PDE4D: variants seen among roughly 807,000 people sequenced by gnomAD.
PDE4D encodes the protein 3',5'-cyclic-AMP phosphodiesterase 4D.
PDE4D carries 24 observed loss-of-function variants against 87.4 expected under a neutral mutation model. That is an observed-to-expected ratio of 0.27 (90% CI 0.20 to 0.39). The LOEUF (loss-of-function observed/expected upper bound fraction) is 0.39. PDE4D is among the 10% of genes least tolerant of loss of function. The pLI is 1.00. For synonymous variants in PDE4D, 384 were observed against 383.2 expected (o/e 1.00, Z -0.02); for missense variants, 714 against 1,041.0 (o/e 0.69, Z 4.32).
At chr5:60,072,370 T>C (rs146625302) in intron 2 of PDE4D, among the ~76,000 whole-genome samples, 135 of 152,156 alleles carry the variant, frequency 8.9e-4, no homozygotes, top group African/African-American at 3.2e-3. Flanking sequence ...TGTTTAATTC[T>C]TATAAATTTA....
chr5:60,293,229 A>G (rs1687725935), intron 1 of PDE4D, among the ~76,000 whole-genome samples: 1 of 152,052 alleles, frequency 6.6e-6, no homozygotes, highest in East Asian at 1.9e-4. Context: ...TTTACTTAAA[A>G]TACTTAAAAA....
At chr5:60,132,409 T>A (rs1353118303) in intron 2 of PDE4D, among the ~76,000 whole-genome samples, 1 of 152,172 alleles carries the variant, frequency 6.6e-6, no homozygotes, top group African/African-American at 2.4e-5. Context: ...CAGAAAGAAT[T>A]TACATGTTGG....
intron 5 of PDE4D, among the ~76,000 whole-genome samples, chr5:59,123,599 A>T (rs983339170): frequency 6.6e-6 from 1 of 152,204 alleles, no homozygotes; most frequent in Admixed American, 6.5e-5. Flanking sequence ...TGCCTTGGAT[A>T]TTGGAGTTCT....
At chr5:59,850,283 A>T (rs1744483645) in intron 1 of PDE4D, among the ~76,000 whole-genome samples, 1 of 152,080 alleles carries the variant, frequency 6.6e-6, no homozygotes, top group Non-Finnish European at 1.5e-5. Context: ...AGCTAGTTGC[A>T]TAGAGAATAA....
intron 1 of PDE4D, among the ~76,000 whole-genome samples, chr5:59,867,248 A>G (rs1747173031): frequency 6.6e-6 from 1 of 152,156 alleles, no homozygotes; most frequent in African/African-American, 2.4e-5. Flanking sequence ...TGACCTGGCA[A>G]TGGTTCAAAG....
chr5:60,409,555 T>C (rs1301149851), intron 1 of PDE4D, among the ~76,000 whole-genome samples: 1 of 152,138 alleles, frequency 6.6e-6, no homozygotes, highest in Non-Finnish European at 1.5e-5. Flanking sequence ...TCATCATCAT[T>C]ATAAAGCTTG....
At chr5:60,298,211 T>C (rs928392265) in intron 1 of PDE4D, among the ~76,000 whole-genome samples, 9 of 152,188 alleles carry the variant, frequency 5.9e-5, no homozygotes, top group African/African-American at 2.2e-4. Context: ...GAAAATTTAT[T>C]TGCATTAAGC....
chr5:59,412,764 T>C (rs1266860651), intron 1 of PDE4D, among the ~76,000 whole-genome samples: 1 of 152,218 alleles, frequency 6.6e-6, no homozygotes, highest in Non-Finnish European at 1.5e-5. Context: ...GTTATTCTGG[T>C]CCTTCACCAA....
chr5:60,425,503 C>T (rs1743616720), intron 1 of PDE4D, among the ~76,000 whole-genome samples: 2 of 152,088 alleles, frequency 1.3e-5, no homozygotes, highest in South Asian at 4.2e-4. Context: ...AAACTGGATC[C>T]CTTCCTTACA....
intron 2 of PDE4D, among the ~76,000 whole-genome samples, chr5:59,992,426 A>G (rs1763108276): frequency 1.3e-5 from 2 of 152,180 alleles, no homozygotes. Flanking sequence ...TCCCTTTCAC[A>G]TATACATGTA....
intron 1 of PDE4D, among the ~76,000 whole-genome samples, chr5:60,448,455 T>C (rs921512974): frequency 6.6e-6 from 1 of 152,140 alleles, no homozygotes; most frequent in African/African-American, 2.4e-5. Flanking sequence ...CATTCATATT[T>C]TGGCCATCAA....
At chr5:59,376,878 C>T (rs1784816903) in intron 1 of PDE4D, among the ~76,000 whole-genome samples, 2 of 152,202 alleles carry the variant, frequency 1.3e-5, no homozygotes, top group South Asian at 2.1e-4. Context: ...AGGAATAAGA[C>T]CATATACCTA....
At chr5:59,005,378 T>C (rs1224973365) in intron 6 of PDE4D, among the ~76,000 whole-genome samples, 3 of 152,218 alleles carry the variant, frequency 2.0e-5, no homozygotes, top group Admixed American at 1.3e-4. Context: ...TATTTAATCA[T>C]ATTGAGTAAA....
At chr5:60,254,540 T>C (rs1450625869) in intron 1 of PDE4D, among the ~76,000 whole-genome samples, 1 of 151,858 alleles carries the variant, frequency 6.6e-6, no homozygotes, top group Non-Finnish European at 1.5e-5. Context: ...CAACAGCAAT[T>C]AATAGACAGG....
Position 59,395,160 on chromosome 5 carries a change from G to C in PDE4D, c.456-179192C>G, listed in dbSNP as rs183305295. Among the ~76,000 whole-genome samples, 869 of 151,700 alleles carry C rather than the reference G, an allele frequency of 5.7e-3. 5 individuals carry two copies. The highest frequency in any genetic ancestry group is 9.2e-3 in the Non-Finnish European group (625 of 67,816). On this transcript the variant is annotated intron_variant, in intron 1 of 14. Coordinates refer to ENST00000340635, the MANE Select transcript of PDE4D (RefSeq NM_001104631.2). ...GCAGCGGCGAGGCTGGGGGAGGGGC[G>C]CCCACCATTGTCCAGGCTTGCTTAG...
chr5:60,080,817 C>T (rs528303026), intron 2 of PDE4D, among the ~76,000 whole-genome samples: 9 of 152,318 alleles, frequency 5.9e-5, no homozygotes, highest in Admixed American at 1.3e-4. Flanking sequence ...GGATGTTCAT[C>T]AGGGATATTG....
At chr5:59,184,555 A>ATT (rs34071921) in intron 4 of PDE4D, among the ~76,000 whole-genome samples, 69 of 128,550 alleles carry the variant, frequency 5.4e-4, no homozygotes, top group African/African-American at 1.5e-3. Context: ...TTAATAGCAG[A>ATT]TTTTTTTTAA....
intron 1 of PDE4D, chr5:59,218,098 T>C (rs1188345588): frequency 2.9e-6 from 1 of 349,046 alleles, no homozygotes; most frequent in East Asian, 9.5e-5. Context: ...ATAGTGGGGG[T>C]TTGGCAAAGT....
At chr5:59,930,180 A>AAAAAC (rs1755759782) in intron 3 of PDE4D, among the ~76,000 whole-genome samples, 1 of 151,762 alleles carries the variant, frequency 6.6e-6, no homozygotes, top group South Asian at 2.1e-4. Flanking sequence ...AAAAAAAAAA[A>AAAAAC]AAAAAACCGG....
Sources: gnomAD v4.1 joint callset for allele counts (sites outside exome capture counted in the v4.1 genomes callset) on GRCh38, gnomAD v4.1.1 for gene constraint, MANE v1.5 for transcripts, NCBI Gene and HGNC (gene_info 2026-07-23, HGNC 2026-07-21) for gene names.